Variants in TMEM163 observed in about 807,000 individuals in gnomAD.
TMEM163 encodes transmembrane protein 163.
Under a neutral mutation model 29.3 loss-of-function variants are expected in TMEM163, and 17 were observed. The ratio of observed to expected loss-of-function variants is 0.58; its 90% CI spans 0.40 to 0.87. The LOEUF (loss-of-function observed/expected upper bound fraction) is 0.87. Among genes scored for constraint, TMEM163 ranks in the 40% least tolerant of loss-of-function variants. TMEM163 has a pLI of 0.00. For missense variants in TMEM163, 303 were observed against 381.5 expected (o/e 0.79, Z 1.71); for synonymous variants, 157 against 160.6 (o/e 0.98, Z 0.17).
chr2:134,655,042 C>G (rs1166709471), intron 2 of TMEM163, among the ~76,000 whole-genome samples: 1 of 108,636 alleles, frequency 9.2e-6, no homozygotes, highest in Admixed American at 9.3e-5. Context: ...TTGCTCTTCT[C>G]GAGGAGTATC....
At chr2:134,621,707 A>C (rs1682739687) in intron 2 of TMEM163, among the ~76,000 whole-genome samples, 1 of 151,566 alleles carries the variant, frequency 6.6e-6, no homozygotes, top group East Asian at 1.9e-4. Context: ...TGGCTAACAC[A>C]GTGAAACCCC....
chr2:134,557,522 G>T (rs1681073266), intron 2 of TMEM163, among the ~76,000 whole-genome samples: 1 of 152,190 alleles, frequency 6.6e-6, no homozygotes, highest in Admixed American at 6.5e-5. Context: ...ATATGTGTAA[G>T]ATATATATTC....
At chr2:134,580,287 G>A (rs963102886) in intron 2 of TMEM163, among the ~76,000 whole-genome samples, 20 of 152,160 alleles carry the variant, frequency 1.3e-4, no homozygotes, top group African/African-American at 4.6e-4. Flanking sequence ...TCAACCCCAT[G>A]AGTCACAGCC....
chr2:134,488,789 G>T (rs767794004), intron 5 of TMEM163, among the ~76,000 whole-genome samples: 1 of 152,110 alleles, frequency 6.6e-6, no homozygotes, highest in Non-Finnish European at 1.5e-5. Context: ...GTGGGAAAAA[G>T]ATAACAATAG....
chr2:134,703,500 C>T (rs2104893702), intron 2 of TMEM163, among the ~76,000 whole-genome samples: 1 of 152,258 alleles, frequency 6.6e-6, no homozygotes, highest in African/African-American at 2.4e-5. Context: ...CATCATACTT[C>T]ACCCTATGGC....
chr2:134,624,375 A>G (rs1682801515), intron 2 of TMEM163, among the ~76,000 whole-genome samples: 1 of 152,188 alleles, frequency 6.6e-6, no homozygotes, highest in African/African-American at 2.4e-5. Flanking sequence ...AGAAAACCAG[A>G]TACCGCATGT....
chr2:134,504,901 A>G (rs1371466611), intron 4 of TMEM163, among the ~76,000 whole-genome samples: 1 of 152,148 alleles, frequency 6.6e-6, no homozygotes, highest in East Asian at 1.9e-4. Flanking sequence ...ATGACTACAT[A>G]CTGTAGCAAG....
At chr2:134,563,835 A>C (rs1208007411) in intron 2 of TMEM163, among the ~76,000 whole-genome samples, 2 of 152,314 alleles carry the variant, frequency 1.3e-5, no homozygotes, top group Admixed American at 6.5e-5. Context: ...CAGGTGGATC[A>C]CCTAAGGTCA....
intron 4 of TMEM163, among the ~76,000 whole-genome samples, chr2:134,542,663 C>T (rs376546875): frequency 5.9e-5 from 9 of 152,094 alleles, no homozygotes; most frequent in East Asian, 1.9e-4. Flanking sequence ...AACCCCAGTC[C>T]GCGGAAAAAT....
chr2:134,702,464 G>A (rs1249038554), intron 2 of TMEM163, among the ~76,000 whole-genome samples: 1 of 152,096 alleles, frequency 6.6e-6, no homozygotes, highest in East Asian at 1.9e-4. Context: ...GGGCAACAAG[G>A]TGAAACCGTG....
chr2:134,625,610 C>G lies in TMEM163; in HGVS notation c.323-73519G>C, dbSNP rs79078094. 6.7e-3 allele frequency among the ~76,000 whole-genome samples: 1,016 copies of G among 152,306 alleles called. 14 individuals carry two copies. The highest frequency in any genetic ancestry group is 0.023 in the African/African-American group (955 of 41,554). ...TTCTTTTCCTTTATATGAGATGTGG[C>G]CTTGATGATTCTGAGTTTAGCTCAA... On this transcript the variant is annotated intron_variant, in intron 2 of 7. Coordinates refer to ENST00000281924, the MANE Select transcript of TMEM163 (RefSeq NM_030923.5).
chr2:134,629,115 TC>T (rs1174469140), intron 2 of TMEM163, among the ~76,000 whole-genome samples: 2 of 152,186 alleles, frequency 1.3e-5, no homozygotes, highest in East Asian at 1.9e-4. Flanking sequence ...CCTCATTTGA[TC>T]CTCACAAAAC....
intron 1 of TMEM163, chr2:134,713,537 T>G (rs1306332770): frequency 1.4e-6 from 1 of 701,736 alleles, no homozygotes. Context: ...ATGGGCCGTG[T>G]ATTTCTGCAG....
At chr2:134,508,005 CTG>C (rs1679864541) in intron 4 of TMEM163, among the ~76,000 whole-genome samples, 1 of 152,142 alleles carries the variant, frequency 6.6e-6, no homozygotes, top group African/African-American at 2.4e-5. Context: ...AAATTGCTAA[CTG>C]TGCACAGTAC....
At chr2:134,718,118 C>G (rs1490645252) in intron 1 of TMEM163, among the ~76,000 whole-genome samples, 2 of 152,256 alleles carry the variant, frequency 1.3e-5, no homozygotes, top group Non-Finnish European at 2.9e-5. Context: ...TTCCTCTGCC[C>G]CATCATGAGA....
intron 4 of TMEM163, among the ~76,000 whole-genome samples, chr2:134,534,690 G>T (rs149533325): frequency 0.013 from 1,908 of 152,094 alleles, 47 homozygotes; most frequent in African/African-American, 0.043. Flanking sequence ...GGAAGTGGAG[G>T]TTGCAGTGAA....
intron 2 of TMEM163, among the ~76,000 whole-genome samples, chr2:134,581,728 C>G (rs1440624926): frequency 1.3e-5 from 2 of 152,118 alleles, no homozygotes; most frequent in African/African-American, 4.8e-5. Flanking sequence ...CTTTAGTTTC[C>G]CCATACTTTC....
At chr2:134,515,004 G>C (rs187202070) in intron 4 of TMEM163, among the ~76,000 whole-genome samples, 135 of 152,356 alleles carry the variant, frequency 8.9e-4, no homozygotes, top group African/African-American at 3.2e-3. Context: ...ATAAGTCACT[G>C]AGACTTTGGG....
chr2:134,503,560 A>T (rs1237431775), intron 4 of TMEM163, among the ~76,000 whole-genome samples: 5 of 152,256 alleles, frequency 3.3e-5, no homozygotes, highest in Non-Finnish European at 7.3e-5. Context: ...CTACTCTGTC[A>T]CTTTTGGATA....
Sources: allele counts gnomAD v4.1 joint callset (sites outside exome capture counted in the v4.1 genomes callset), GRCh38; gene constraint gnomAD v4.1.1; transcripts MANE v1.5; gene names NCBI Gene and HGNC (gene_info 2026-07-23, HGNC 2026-07-21).